Variants in CDK19 observed in about 807,000 individuals in gnomAD.
CDK19 encodes cyclin-dependent kinase 19.
Under a neutral mutation model 68.3 loss-of-function variants are expected in CDK19, and 20 were observed. That is an observed-to-expected ratio of 0.29 (90% confidence interval 0.21 to 0.43). The LOEUF (loss-of-function observed/expected upper bound fraction) is 0.43, where lower values mean the gene tolerates loss of function less well. CDK19 is among the 20% of genes least tolerant of loss of function. The probability of loss-of-function intolerance (pLI) is 1.00; values close to 1 mark genes in which losing one functional copy is unlikely to be tolerated. For synonymous variants in CDK19, 221 were observed against 222.8 expected (o/e 0.99, Z 0.07); for missense variants, 339 against 623.5 (o/e 0.54, Z 4.86).
At chr6:110,794,559 G>A (rs1297711695) in intron 1 of CDK19, among the ~76,000 whole-genome samples, 4 of 150,862 alleles carry the variant, frequency 2.7e-5, no homozygotes, top group Non-Finnish European at 4.4e-5. Context: ...CCACCACCAC[G>A]TCCAGCTAAT....
chr6:110,753,021 C>T (rs746492669), intron 1 of CDK19, among the ~76,000 whole-genome samples: 29 of 152,060 alleles, frequency 1.9e-4, no homozygotes, highest in Non-Finnish European at 1.6e-4. Context: ...CCTCGACCTC[C>T]GGGCTCAGAT....
intron 1 of CDK19, among the ~76,000 whole-genome samples, chr6:110,763,258 C>T (rs1779347013): frequency 6.6e-6 from 1 of 151,904 alleles, no homozygotes; most frequent in African/African-American, 2.4e-5. Context: ...GAATGGAGTG[C>T]TCCTATGATC....
intron 3 of CDK19, 48 bp downstream of exon 3, chr6:110,670,383 C>A (rs753120823): frequency 2.0e-6 from 2 of 976,916 alleles, no homozygotes; most frequent in Admixed American, 1.8e-5. Flanking sequence ...TAAATATGCT[C>A]CATACCTATA....
chr6:110,814,529 G>A, intron 1 of CDK19: 1 of 451,708 alleles, frequency 2.2e-6, no homozygotes, highest in Non-Finnish European at 4.4e-6. Context: ...GAGGACCCCA[G>A]GCCGCGTTCG....
At chr6:110,624,007 C>T (rs1778930851) in intron 8 of CDK19, among the ~76,000 whole-genome samples, 1 of 150,630 alleles carries the variant, frequency 6.6e-6, no homozygotes, top group Non-Finnish European at 1.5e-5. Flanking sequence ...TTTATACATT[C>T]ACAGAATGGA....
intron 5 of CDK19, among the ~76,000 whole-genome samples, chr6:110,638,057 A>AC (rs1346021846): frequency 6.7e-6 from 1 of 149,566 alleles, no homozygotes; most frequent in East Asian, 1.9e-4. Context: ...AATGATGCTG[A>AC]TTTTTTTTTT....
In CDK19 at chr6:110,626,833, TC is replaced by T. The variant is rs1416260565; in HGVS notation, c.802del (p.Glu268LysfsTer27). Reference sequence around the variant, plus strand: ...ATATTCTGGCATCTTTCTAATATCTTCCCAGTCTTTATCTTACAAAAAAATT... The same window carrying T: ...ATATTCTGGCATCTTTCTAATATCTTCCAGTCTTTATCTTACAAAAAAATT... ...VMGFPADKDWEDIRKMPEYPT... is the reference protein window; with the variant it reads ...VMGFPADKDWXDIRKMPEYPT... On this transcript the variant is annotated frameshift_variant, in exon 8 of 13. Transcript: ENST00000368911. LOFTEE classifies it high-confidence loss of function. 6.4e-7 allele frequency: 1 copy of T among 1,567,830 alleles called. No homozygotes were observed. Among genetic ancestry groups the T allele is most frequent in the Non-Finnish European group, 8.7e-7 (1 of 1,150,212 alleles).
chr6:110,784,679 T>C (rs1013152390), intron 1 of CDK19, among the ~76,000 whole-genome samples: 1 of 152,120 alleles, frequency 6.6e-6, no homozygotes, highest in African/African-American at 2.4e-5. Context: ...CAAAAACTTC[T>C]ACAAAAATAT....
chr6:110,617,399 C>G (rs944985204), intron 12 of CDK19, among the ~76,000 whole-genome samples: 1 of 152,018 alleles, frequency 6.6e-6, no homozygotes, highest in Non-Finnish European at 1.5e-5. Context: ...TTGGGTTTCC[C>G]CCTCAGTCTA....
chr6:110,745,895 G>C (rs749621331), intron 2 of CDK19, among the ~76,000 whole-genome samples: 1 of 152,130 alleles, frequency 6.6e-6, no homozygotes, highest in East Asian at 1.9e-4. Context: ...TTGAGCCTAG[G>C]AGGTTCACGC....
chr6:110,777,286 A>G lies in CDK19; in HGVS notation c.129-31085T>C, dbSNP rs151309932. 7.2e-3 allele frequency among the ~76,000 whole-genome samples: 1,089 copies of G among 152,276 alleles called. 8 individuals carry two copies. The highest frequency in any genetic ancestry group is 0.014 in the Middle Eastern group (4 of 294). ...CAAAAGGCCTTAAAATTTAAAATCA[A>G]TATATCCGAATAACAAATAATATTG... On this transcript the variant is annotated intron_variant, in intron 1 of 12. Transcript: ENST00000368911.
chr6:110,763,145 T>C (rs1779340065), intron 1 of CDK19, among the ~76,000 whole-genome samples: 1 of 151,974 alleles, frequency 6.6e-6, no homozygotes, highest in Admixed American at 6.6e-5. Context: ...TATTATATAT[T>C]AAAACTGCCT....
chr6:110,642,946 TAAC>T (rs892524778), intron 4 of CDK19, among the ~76,000 whole-genome samples: 14 of 152,118 alleles, frequency 9.2e-5, no homozygotes, highest in Admixed American at 7.8e-4. Flanking sequence ...GCACAAGAGA[TAAC>T]AAACTTTACC....
intron 6 of CDK19, among the ~76,000 whole-genome samples, chr6:110,630,305 C>T (rs781552322): frequency 6.6e-6 from 1 of 152,218 alleles, no homozygotes; most frequent in Non-Finnish European, 1.5e-5. Flanking sequence ...ATGGAGATTG[C>T]ATCCTCTTCT....
At chr6:110,748,733 T>C (rs1778243674) in intron 1 of CDK19, among the ~76,000 whole-genome samples, 1 of 152,242 alleles carries the variant, frequency 6.6e-6, no homozygotes, top group South Asian at 2.1e-4. Context: ...AATATTTCAA[T>C]GATTAGGCAC....
intron 2 of CDK19, among the ~76,000 whole-genome samples, chr6:110,710,364 A>G (rs1774851303): frequency 6.6e-6 from 1 of 152,214 alleles, no homozygotes; most frequent in South Asian, 2.1e-4. Flanking sequence ...TATCACTGCC[A>G]GAATTGGCTG....
chr6:110,808,207 T>C (rs1278533494), intron 1 of CDK19, among the ~76,000 whole-genome samples: 1 of 152,224 alleles, frequency 6.6e-6, no homozygotes, highest in African/African-American at 2.4e-5. Context: ...ACTAATTAGT[T>C]TCTAATCACA....
chr6:110,773,210 T>C (rs1780162392), intron 1 of CDK19, among the ~76,000 whole-genome samples: 1 of 152,050 alleles, frequency 6.6e-6, no homozygotes, highest in Non-Finnish European at 1.5e-5. Flanking sequence ...CTGGGCGTGA[T>C]GGTGCGTGTC....
chr6:110,644,266 T>C (rs952721138), intron 4 of CDK19, among the ~76,000 whole-genome samples: 4 of 149,326 alleles, frequency 2.7e-5, no homozygotes, highest in African/African-American at 9.9e-5. Context: ...CATTCCAGCC[T>C]GGGTGACAGA....
Sources: allele counts gnomAD v4.1 joint callset (sites outside exome capture counted in the v4.1 genomes callset), GRCh38; gene constraint gnomAD v4.1.1; transcripts MANE v1.5; gene names NCBI Gene and HGNC (gene_info 2026-07-23, HGNC 2026-07-21).